BEST2: variants seen among roughly 807,000 people sequenced by gnomAD.
BEST2 encodes the protein bestrophin-2a.
In BEST2, 36 loss-of-function variants were observed where a neutral mutation model predicts 49.0. That is an observed-to-expected ratio of 0.73 (90% confidence interval 0.56 to 0.97). The LOEUF (loss-of-function observed/expected upper bound fraction) is 0.97. BEST2 is among the 50% of genes least tolerant of loss of function. The pLI is 0.00. For synonymous variants in BEST2, 335 were observed against 304.4 expected (o/e 1.10, Z -1.05); for missense variants, 672 against 710.0 (o/e 0.95, Z 0.61).
At position 12,756,720 on chromosome 19, in the gene BEST2, G is replaced by A. The variant is rs555969409; in HGVS notation, c.1103+425G>A. On this transcript the variant is annotated intron_variant, in intron 9 of 9. Transcript: ENST00000553030. ...AAATTAGCCAAGCGTGGTGGTGCAC[G>A]CCTGTAGTCCCAGCTATTCAGGGGC... The A allele has an allele frequency of 1.6e-4, 31 of 195,968 alleles. No homozygotes were observed. In the South Asian group the frequency reaches 2.2e-3, roughly 14 times the overall value. The allele number at this position is 195,968 out of a possible 1,614,324, so 12.1% of individuals were successfully genotyped here. A position where few individuals can be genotyped will look rare whatever the true frequency, so the allele number is the denominator to read the frequency against.
At position 12,752,646 on chromosome 19, in the gene BEST2, C is replaced by T. The variant is rs1224985461; in HGVS notation, c.54C>T (p.Ser18=). ...CGAACGCCCGCTTCGGTGGCTTCTC[C>T]CAGCTGCTGCTACTGTGGCGTGGGA... ...RVANARFGGF[S]QLLLLWRGSI... The change falls in exon 2 of 10, where the codon TCC becomes TCT. Residue 18 remains serine, a synonymous_variant. Coordinates refer to ENST00000553030, the MANE Select transcript of BEST2 (RefSeq NM_017682.3). 10 of 1,612,702 alleles carry T rather than the reference C, an allele frequency of 6.2e-6. No homozygotes were observed. In the East Asian group the frequency reaches 2.2e-4, roughly 36 times the overall value.
Position 12,755,088 on chromosome 19 carries a change from G to A in BEST2, c.636+57G>A. 6.5e-7 allele frequency: 1 copy of A among 1,541,528 alleles called. No individual in the cohort carries two copies. Among genetic ancestry groups the A allele is most frequent in the South Asian group, 1.3e-5 (1 of 79,386 alleles). ...ATACCAGGGAAATTGTACCCCTGGA[G>A]CTGTGTCAACGGCGGCCCTCCAAGC... On this transcript the variant is annotated intron_variant, in intron 5 of 9. Transcript: ENST00000553030. This position sits in a 1 kb window ranked among gnomAD's most constrained non-coding sequence, Gnocchi z 4.4.
rs542784217 is a variant in BEST2, at chr19:12,753,007, C to G, written c.153-253C>G. 3.9e-4 allele frequency among the ~76,000 whole-genome samples: 59 copies of G among 152,078 alleles called. 1 individual carries two copies. The East Asian group carries it at 0.011, about 27-fold the overall frequency. ...GGGATTATGGGTGCCAGCCACCATG[C>G]CTGGCTAATTTTTTTGTATTTTTAG... On this transcript the variant is annotated intron_variant, in intron 2 of 9. Transcript: ENST00000553030.
In BEST2 at chr19:12,755,068, A is replaced by C. The variant is rs773173700; in HGVS notation, c.636+37A>C. 1.4e-5 allele frequency: 22 copies of C among 1,564,494 alleles called. No individual in the cohort carries two copies. The highest frequency in any genetic ancestry group is 1.8e-5 in the Non-Finnish European group (21 of 1,159,718). On this transcript the variant is annotated intron_variant, in intron 5 of 9. Transcript: ENST00000553030. The surrounding 1 kb of genome is among the most constrained non-coding windows in gnomAD (Gnocchi z 4.4). ...CAGGAGGTCATTCATATAGAATACC[A>C]GGGAAATTGTACCCCTGGAGCTGTG...
rs756001142 is a variant in BEST2 at position 12,754,698 on chromosome 19, G to T, written c.394G>T (p.Ala132Ser). Reference sequence around the variant, plus strand: ...CTACCGGCGCACACTCATGCGCTACGCAGGGCTCTCGGCCGTGCTCATCCT... The same window carrying T: ...CTACCGGCGCACACTCATGCGCTACTCAGGGCTCTCGGCCGTGCTCATCCT... ...RLYRRTLMRY[A>S]GLSAVLILRS... The change falls in exon 4 of 10, where the codon GCA (alanine) becomes TCA (serine). Residue 132 changes from alanine to serine, a missense_variant. Transcript: ENST00000553030. 24 of 1,586,420 alleles carry T rather than the reference G, an allele frequency of 1.5e-5. No individual in the cohort carries two copies. The South Asian group carries it at 2.5e-4, about 17-fold the overall frequency.
chr19:12,758,383 T>A lies in BEST2; in HGVS notation c.*306T>A. 1 of 468,936 alleles carries A rather than the reference T, an allele frequency of 2.1e-6. No individual in the cohort carries two copies. Among genetic ancestry groups the A allele is most frequent in the Non-Finnish European group, 3.8e-6 (1 of 265,236 alleles). 29.0% of individuals were successfully genotyped at this position (468,936 alleles called of 1,614,324 possible). A position where few individuals can be genotyped will look rare whatever the true frequency, so the allele number is the denominator to read the frequency against. On this transcript the variant is annotated 3_prime_UTR_variant, in exon 10 of 10. Transcript: ENST00000553030. ...GACTGACTACCTCCTCGAGTTGTCA[T>A]GAGGATGAAAGAATGGCATTAAAGC... is the stretch of plus-strand genomic sequence containing the variant.
In BEST2 at chr19:12,754,563, ACGCTGGTGGTGAAC is replaced by A; in HGVS notation, c.269_282del (p.Val90GlufsTer78). 7.9e-6 allele frequency: 12 copies of A among 1,522,932 alleles called. No homozygotes were observed. The highest frequency in any genetic ancestry group is 1.1e-5 in the Non-Finnish European group (12 of 1,127,122). The allele number at this position is 1,522,932 out of a possible 1,614,324, so 94.3% of individuals were successfully genotyped here. On this transcript the variant is annotated frameshift_variant, in exon 4 of 10. Coordinates refer to ENST00000553030, the MANE Select transcript of BEST2 (RefSeq NM_017682.3). LOFTEE classifies it high-confidence loss of function. ...CCGCTCCCCTGCAGGCTTTTATGTG[ACGCTGGTGGTGAAC>A]CGCTGGTGGAGCCAGTACCTATGCA...
intron 3 of BEST2, among the ~76,000 whole-genome samples, chr19:12,753,976 C>T (rs531858971): frequency 5.3e-5 from 8 of 149,720 alleles, no homozygotes; most frequent in Non-Finnish European, 1.0e-4. Context: ...CTAACATGGG[C>T]TCTGTGCCTC....
In BEST2 at chr19:12,755,858, GCTGAGCAGCT is replaced by G; in HGVS notation, c.873_882del (p.Glu292SerfsTer16). ...TAACTGCTCCCTCTCCTCTCAGGTA[GCTGAGCAGCT>G]CATCAACCCCTTCGGAGAGGACGAT... On this transcript the variant is annotated frameshift_variant, in exon 8 of 10. Coordinates refer to ENST00000553030, the MANE Select transcript of BEST2 (RefSeq NM_017682.3). LOFTEE classifies it high-confidence loss of function. This position sits in a 1 kb window ranked among gnomAD's most constrained non-coding sequence, Gnocchi z 4.4. 6.2e-7 allele frequency: 1 copy of G among 1,614,208 alleles called. No individual in the cohort carries two copies. Among genetic ancestry groups the G allele is most frequent in the East Asian group, 2.2e-5 (1 of 44,890 alleles).
rs771622841 is a variant in BEST2, at chr19:12,757,918, G to A, written c.1371G>A (p.Leu457=). Residue 457 remains leucine (L), a synonymous_variant, in exon 10 of 10, where the codon CTG becomes CTA. Coordinates refer to ENST00000553030, the MANE Select transcript of BEST2 (RefSeq NM_017682.3). ...SCGDPLLDPG[L]PEPEAPPPAG... ...GGGACCCGCTGCTCGACCCCGGCCT[G>A]CCGGAGCCCGAGGCCCCGCCCCCTG... 6.4e-7 allele frequency: 1 copy of A among 1,562,554 alleles called. No homozygotes were observed. Among genetic ancestry groups the A allele is most frequent in the Non-Finnish European group, 8.7e-7 (1 of 1,155,468 alleles).
rs202188485 is a variant in BEST2 at position 12,755,632 on chromosome 19, G to A, written c.732G>A (p.Leu244=). 6.2e-7 allele frequency: 1 copy of A among 1,614,000 alleles called. No individual in the cohort carries two copies. The highest frequency in any genetic ancestry group is 8.5e-7 in the Non-Finnish European group (1 of 1,180,006). ...CTGCCCAGGTGGTGACCATCGCACT[G>A]TACAGCTACTTCCTGGCTTGCCTCA... ...LVYTQVVTIA[L]YSYFLACLIG... Residue 244 remains leucine (L), a synonymous_variant, in exon 7 of 10, where the codon CTG becomes CTA. Coordinates refer to ENST00000553030, the MANE Select transcript of BEST2 (RefSeq NM_017682.3). The surrounding 1 kb of genome is among the most constrained non-coding windows in gnomAD (Gnocchi z 4.4).
Position 12,757,951 on chromosome 19 carries a change from C to G in BEST2, c.1404C>G (p.Pro468=), listed in dbSNP as rs1205418644. ...CCGAGGCCCCGCCCCCTGCGGGTCC[C>G]GAACCGCTTACCCTCATCCCTGGGC... ...PEPEAPPPAG[P]EPLTLIPGPV... The change falls in exon 10 of 10, where the codon CCC becomes CCG. Residue 468 remains proline, a synonymous_variant. Coordinates refer to ENST00000553030, the MANE Select transcript of BEST2 (RefSeq NM_017682.3). The G allele has an allele frequency of 6.3e-6, 10 of 1,596,708 alleles. No individual in the cohort carries two copies. Among genetic ancestry groups the G allele is most frequent in the Non-Finnish European group, 8.5e-6 (10 of 1,173,614 alleles).
rs1429790476 is a variant in BEST2 at position 12,757,840 on chromosome 19, C to T, written c.1293C>T (p.Ala431=). ...GCGTGTCGGAGGCGTCTACTGGGGC[C>T]AGCTGCTCATGCGCGGTTGTCCCCG... is the stretch of plus-strand genomic sequence containing the variant. The part of the protein sequence containing the change: ...NSCVSEASTG[A]SCSCAVVPEG... Residue 431 remains alanine (A), a synonymous_variant, in exon 10 of 10, where the codon GCC becomes GCT. Transcript: ENST00000553030. The T allele has an allele frequency of 1.5e-5, 24 of 1,549,274 alleles. No individual in the cohort carries two copies. The highest frequency in any genetic ancestry group is 1.8e-5 in the Non-Finnish European group (21 of 1,146,690).
In BEST2 at chr19:12,756,139, A is replaced by G. The variant is rs1399566705; in HGVS notation, c.949-2A>G. ...CTTTACCCTGTGTGTTTGCACCCGT[A>G]GGTGTCCATGCTGGCAGTGGACGAG... is the stretch of plus-strand genomic sequence containing the variant. On this transcript the variant is annotated splice_acceptor_variant, in intron 8 of 9. Transcript: ENST00000553030. LOFTEE classifies it high-confidence loss of function. 3 of 1,614,100 alleles carry G rather than the reference A, an allele frequency of 1.9e-6. No homozygotes were observed. The highest frequency in any genetic ancestry group is 2.5e-6 in the Non-Finnish European group (3 of 1,180,046).
At position 12,756,219 on chromosome 19, in the gene BEST2, G is replaced by A. The variant is rs1298012946; in HGVS notation, c.1027G>A (p.Ala343Thr). The change falls in exon 9 of 10, where the codon GCT becomes ACT. Residue 343 changes from alanine to threonine, a missense_variant. By Grantham distance (58) the Ala-to-Thr change is moderately conservative. Transcript: ENST00000553030. ...EKDLYWDAAE[A>T]RAPYTAATVF... The stretch of plus-strand genomic sequence containing the variant: ...GGACTTGTACTGGGATGCAGCCGAG[G>A]CTCGCGCCCCATACACAGCGGCTAC... 1.4e-5 allele frequency: 22 copies of A among 1,614,094 alleles called. No individual in the cohort carries two copies. Among genetic ancestry groups the A allele is most frequent in the Non-Finnish European group, 1.6e-5 (19 of 1,180,054 alleles).
chr19:12,756,005 CCACCCCTGCCAAGTCTTGCCAGGTCT>C, intron 8 of BEST2, 70 bp downstream of exon 8: 1 of 1,589,570 alleles, frequency 6.3e-7, no homozygotes, highest in Non-Finnish European at 8.6e-7. Flanking sequence ...GGTTCTGGTC[CCACCCCTGCCAAGTCTTGCCAGGTCT>C]CACCCCAACC....
Position 12,752,547 on chromosome 19 carries a change from A to C in BEST2, c.-46A>C. On this transcript the variant is annotated 5_prime_UTR_variant, in exon 2 of 10. Coordinates refer to ENST00000553030, the MANE Select transcript of BEST2 (RefSeq NM_017682.3). The stretch of plus-strand genomic sequence containing the variant: ...CTCTCCACCCACACCCGCAGCCCCC[A>C]CCCGGGCCACCCACTCTCCCTTGGC... The C allele has an allele frequency of 6.2e-7, 1 of 1,600,326 alleles. No individual in the cohort carries two copies.
Position 12,758,143 on chromosome 19 carries a change from C to G in BEST2, c.*66C>G, listed in dbSNP as rs1247456070. On this transcript the variant is annotated 3_prime_UTR_variant, in exon 10 of 10. Transcript: ENST00000553030. ...CCTGCACGGCACCCACGCAGGTGTC[C>G]CGGTCTGCATAAGCCTCGTGTGCCT... 6.5e-6 allele frequency: 10 copies of G among 1,549,780 alleles called. No individual in the cohort carries two copies. Among genetic ancestry groups the G allele is most frequent in the Non-Finnish European group, 8.8e-6 (10 of 1,142,224 alleles).
intron 9 of BEST2, chr19:12,756,787 A>C (rs1012783633): frequency 2.3e-5 from 4 of 173,702 alleles, no homozygotes; most frequent in African/African-American, 9.6e-5. Flanking sequence ...TCGAGGCTGC[A>C]GTGAGCCATA....
Sources: allele counts gnomAD v4.1 joint callset (sites outside exome capture counted in the v4.1 genomes callset), GRCh38; gene constraint gnomAD v4.1.1; non-coding constraint Gnocchi (gnomAD v3.1); transcripts MANE v1.5; gene names NCBI Gene and HGNC (gene_info 2026-07-23, HGNC 2026-07-21).